The following PRKCA variants were observed in gnomAD, a reference collection of about 807,000 sequenced individuals.
PRKCA encodes protein kinase C alpha type.
PRKCA carries 27 observed loss-of-function variants against 87.0 expected under a neutral mutation model. That is an observed-to-expected ratio of 0.31 (90% CI 0.23 to 0.43). The LOEUF is 0.43. Ranked by LOEUF, PRKCA falls within the 20% of genes least tolerant of loss-of-function variation. The probability of loss-of-function intolerance (pLI) is 1.00; values close to 1 mark genes in which losing one functional copy is unlikely to be tolerated. For synonymous variants in PRKCA, 329 were observed against 311.1 expected (o/e 1.06, Z -0.61); for missense variants, 518 against 852.3 (o/e 0.61, Z 4.88).
chr17:66,317,626 A>AT (rs1401961246), intron 2 of PRKCA, among the ~76,000 whole-genome samples: 2 of 152,020 alleles, frequency 1.3e-5, no homozygotes, highest in Non-Finnish European at 2.9e-5. Flanking sequence ...TTATCTCTTC[A>AT]TTTTTTTCCT....
intron 2 of PRKCA, among the ~76,000 whole-genome samples, chr17:66,479,894 A>G (rs186877339): frequency 6.6e-6 from 1 of 152,188 alleles, no homozygotes; most frequent in Admixed American, 6.5e-5. Flanking sequence ...CAGGAAAAAT[A>G]ACTCAAGGGT....
chr17:66,509,826 T>C (rs1442688197), intron 3 of PRKCA, among the ~76,000 whole-genome samples: 1 of 152,208 alleles, frequency 6.6e-6, no homozygotes, highest in Non-Finnish European at 1.5e-5. Context: ...GTAAATCTTA[T>C]TCATCTCTGT....
At chr17:66,313,288 T>G (rs1471050742) in intron 2 of PRKCA, among the ~76,000 whole-genome samples, 1 of 152,336 alleles carries the variant, frequency 6.6e-6, no homozygotes, top group East Asian at 1.9e-4. Context: ...TATATTTTTT[T>G]AAAGCAAGTT....
intron 16 of PRKCA, chr17:66,796,877 T>A (rs1005155849): frequency 1.0e-6 from 1 of 985,362 alleles, no homozygotes; most frequent in Non-Finnish European, 1.2e-6. Context: ...CTCCTGCATT[T>A]GGTCATCGTA....
At chr17:66,751,305 G>A (rs985819044) in intron 13 of PRKCA, among the ~76,000 whole-genome samples, 1 of 152,220 alleles carries the variant, frequency 6.6e-6, no homozygotes, top group African/African-American at 2.4e-5. Context: ...CTGTAAAGGA[G>A]ACTTGGAGAG....
chr17:66,657,146 G>C (rs546617257), intron 5 of PRKCA, among the ~76,000 whole-genome samples: 1 of 152,280 alleles, frequency 6.6e-6, no homozygotes, highest in South Asian at 2.1e-4. Flanking sequence ...TTGAATAGGG[G>C]GCCATGGCCA....
intron 3 of PRKCA, among the ~76,000 whole-genome samples, chr17:66,587,891 G>GTATATATATATATATA (rs1406148799): frequency 2.3e-5 from 2 of 87,132 alleles, no homozygotes; most frequent in African/African-American, 5.3e-5. Flanking sequence ...GTGTGTGTGT[G>GTATATATATATATATA]TGTGTATATA....
At chr17:66,764,459 C>G (rs532316467) in intron 13 of PRKCA, among the ~76,000 whole-genome samples, 43 of 152,256 alleles carry the variant, frequency 2.8e-4, no homozygotes, top group African/African-American at 1.0e-3. Context: ...AAGAAGCTAC[C>G]CCCTGGTCCC....
At chr17:66,533,700 GC>G (rs869071167) in intron 3 of PRKCA, among the ~76,000 whole-genome samples, 2 of 139,768 alleles carry the variant, frequency 1.4e-5, no homozygotes, top group East Asian at 2.1e-4. Flanking sequence ...CCAGGCTGCC[GC>G]CCCCACTGGC....
chr17:66,717,265 T>C (rs1408409015), intron 8 of PRKCA, among the ~76,000 whole-genome samples: 1 of 152,210 alleles, frequency 6.6e-6, no homozygotes, highest in African/African-American at 2.4e-5. Flanking sequence ...ACACCTTCCC[T>C]CCTTTACTCA....
chr17:66,561,096 T>G (rs1968666542), intron 3 of PRKCA, among the ~76,000 whole-genome samples: 1 of 152,280 alleles, frequency 6.6e-6, no homozygotes, highest in East Asian at 1.9e-4. Context: ...GAGCTACAGT[T>G]TTCCACAAAA....
intron 3 of PRKCA, among the ~76,000 whole-genome samples, chr17:66,546,859 A>G (rs1257976619): frequency 6.6e-6 from 1 of 152,132 alleles, no homozygotes; most frequent in Non-Finnish European, 1.5e-5. Context: ...ATCTTTAATC[A>G]ATCAGTCTAC....
chr17:66,475,397 G>A (rs1205778118), intron 2 of PRKCA, among the ~76,000 whole-genome samples: 4 of 152,052 alleles, frequency 2.6e-5, no homozygotes, highest in Admixed American at 1.3e-4. Context: ...TGGTGCTGTC[G>A]ATCTGCATTT....
intron 5 of PRKCA, among the ~76,000 whole-genome samples, chr17:66,686,691 AC>A: frequency 6.6e-6 from 1 of 152,232 alleles, no homozygotes; most frequent in South Asian, 2.1e-4. Context: ...CGTGTGTGGC[AC>A]CATAGACCAG....
intron 2 of PRKCA, among the ~76,000 whole-genome samples, chr17:66,471,749 A>G (rs1261353984): frequency 6.6e-6 from 1 of 151,484 alleles, no homozygotes; most frequent in Non-Finnish European, 1.5e-5. Flanking sequence ...TCAAATCCGC[A>G]GAGGGTTACC....
intron 3 of PRKCA, among the ~76,000 whole-genome samples, chr17:66,510,712 A>G (rs1448497681): frequency 2.0e-5 from 3 of 152,164 alleles, no homozygotes; most frequent in Non-Finnish European, 1.5e-5. Context: ...AGAAATTGTT[A>G]TGAGATTGCT....
intron 8 of PRKCA, among the ~76,000 whole-genome samples, chr17:66,692,443 GTAA>G (rs1429053807): frequency 6.6e-6 from 1 of 152,140 alleles, no homozygotes; most frequent in Non-Finnish European, 1.5e-5. Context: ...GTTCAATCAC[GTAA>G]TGGTGTTTTG....
chr17:66,514,509 T>G (rs928757567), intron 3 of PRKCA, among the ~76,000 whole-genome samples: 1 of 152,138 alleles, frequency 6.6e-6, no homozygotes, highest in East Asian at 1.9e-4. Context: ...TTGAACTGAA[T>G]AGGAGGCTCG....
chr17:66,389,098 C>T (rs750091082), intron 2 of PRKCA, among the ~76,000 whole-genome samples: 24 of 152,150 alleles, frequency 1.6e-4, no homozygotes, highest in Admixed American at 1.1e-3. Flanking sequence ...TCTAATAAAA[C>T]GGCGCGGCAC....
Sources: gnomAD v4.1 joint callset for allele counts (sites outside exome capture counted in the v4.1 genomes callset) on GRCh38, gnomAD v4.1.1 for gene constraint, MANE v1.5 for transcripts, NCBI Gene and HGNC (gene_info 2026-07-23, HGNC 2026-07-21) for gene names.